IGF2BP2: variants seen among roughly 807,000 people sequenced by gnomAD.
The protein encoded by IGF2BP2 is insulin like growth factor 2 mRNA binding protein 2.
A neutral mutation model predicts 75.8 loss-of-function variants in IGF2BP2; 17 were observed. That is an observed-to-expected ratio of 0.22 (90% CI 0.15 to 0.34). The LOEUF (loss-of-function observed/expected upper bound fraction) is 0.34. Among genes scored for constraint, IGF2BP2 ranks in the 10% least tolerant of loss-of-function variants. IGF2BP2 has a pLI of 1.00. For missense variants in IGF2BP2, 516 were observed against 772.4 expected, an observed-to-expected ratio of 0.67 and a Z score of 3.93; for synonymous variants, 288 against 295.6, an observed-to-expected ratio of 0.97 and a Z score of 0.26.
rs762092863 is a variant in IGF2BP2 at position 185,716,828 on chromosome 3, T to C, written c.240-18481A>G. 5.8e-6 allele frequency: 3 copies of C among 515,544 alleles called. No homozygotes were observed. In the East Asian group the frequency reaches 1.6e-4, roughly 28 times the overall value. 31.9% of individuals were successfully genotyped at this position (515,544 alleles called of 1,614,324 possible). A position where few individuals can be genotyped will look rare whatever the true frequency, so the allele number is the denominator to read the frequency against. On this transcript the variant is annotated intron_variant, in intron 2 of 15. Coordinates refer to ENST00000382199, the MANE Select transcript of IGF2BP2 (RefSeq NM_006548.6). ...CTTAACTGAGGGGCCAAAGAGAGGC[T>C]ACGCAGCCTGGATCAGAGCTCCGAC... is the stretch of plus-strand genomic sequence containing the variant.
chr3:185,673,052 C>G (rs1718773572), intron 9 of IGF2BP2, among the ~76,000 whole-genome samples: 1 of 152,216 alleles, frequency 6.6e-6, no homozygotes, highest in South Asian at 2.1e-4. Context: ...CCCTTCTCAC[C>G]TGGCTAAGTC....
chr3:185,822,182 C>T (rs2150071359), intron 2 of IGF2BP2, among the ~76,000 whole-genome samples: 1 of 152,262 alleles, frequency 6.6e-6, no homozygotes, highest in South Asian at 2.1e-4. Context: ...GTTTTAAAAT[C>T]TACTCAATCC....
intron 10 of IGF2BP2, among the ~76,000 whole-genome samples, chr3:185,659,052 AAAAAAT>A (rs1381479510): frequency 6.6e-6 from 1 of 152,102 alleles, no homozygotes; most frequent in Admixed American, 6.6e-5. Flanking sequence ...CCATCTGTAT[AAAAAAT>A]AAAAATAAAA....
intron 2 of IGF2BP2, among the ~76,000 whole-genome samples, chr3:185,774,834 A>C (rs140783742): frequency 0.025 from 3,815 of 152,022 alleles, 172 homozygotes; most frequent in African/African-American, 0.087. Context: ...AGCCTGGCCA[A>C]TATGATGAAA....
At chr3:185,696,464 C>T (rs1722595332) in intron 4 of IGF2BP2, 148 bp downstream of exon 4, 14 of 656,094 alleles carry the variant, frequency 2.1e-5, no homozygotes, top group Middle Eastern at 3.6e-4. Context: ...ATGTAAGATA[C>T]ATCTTACATA....
chr3:185,722,419 C>T (rs1287432059), intron 2 of IGF2BP2: 1 of 339,734 alleles, frequency 2.9e-6, no homozygotes. Flanking sequence ...TTGCCTTCTA[C>T]TTCCTCCACC....
chr3:185,712,556 C>T (rs918968210), intron 2 of IGF2BP2: 24 of 152,084 alleles, frequency 1.6e-4, no homozygotes, highest in African/African-American at 5.6e-4. Flanking sequence ...GATGCTGAGT[C>T]AGTCATTCAA....
chr3:185,721,445 G>A (rs1483422533), intron 2 of IGF2BP2, among the ~76,000 whole-genome samples: 16 of 151,992 alleles, frequency 1.1e-4, no homozygotes, highest in African/African-American at 3.1e-4. Flanking sequence ...CAAGTGATCC[G>A]CCCGCCTCGG....
At chr3:185,797,032 G>C (rs536835748) in intron 2 of IGF2BP2, among the ~76,000 whole-genome samples, 41 of 152,060 alleles carry the variant, frequency 2.7e-4, no homozygotes, top group African/African-American at 9.9e-4. Context: ...AGTGAGAAAC[G>C]CACTGCCCCA....
In IGF2BP2 at chr3:185,686,916, A is replaced by C. The variant is rs186239170; in HGVS notation, c.812+141T>G. The stretch of plus-strand genomic sequence containing the variant: ...TTCCCACTGTATTCTACTTGGGAAC[A>C]AATTTCTTAAACACAATCCCTCCCT... On this transcript the variant is annotated intron_variant, in intron 7 of 15. Transcript: ENST00000382199. 3.3e-6 allele frequency: 3 copies of C among 908,704 alleles called. No homozygotes were observed. In the East Asian group the frequency reaches 7.6e-5, roughly 23 times the overall value. The allele number at this position is 908,704 out of a possible 1,614,324, so 56.3% of individuals were successfully genotyped here.
chr3:185,713,027 C>T (rs1455133088), intron 2 of IGF2BP2, among the ~76,000 whole-genome samples: 3 of 151,874 alleles, frequency 2.0e-5, no homozygotes, highest in Non-Finnish European at 4.4e-5. Flanking sequence ...ATGAAATTTA[C>T]TATGAACAGA....
intron 2 of IGF2BP2, among the ~76,000 whole-genome samples, chr3:185,816,222 A>G (rs910334714): frequency 6.6e-6 from 1 of 152,170 alleles, no homozygotes; most frequent in African/African-American, 2.4e-5. Flanking sequence ...GTTGAAAGAA[A>G]TGTTTGTCTT....
intron 2 of IGF2BP2, among the ~76,000 whole-genome samples, chr3:185,702,855 AAG>A (rs1723504841): frequency 6.6e-6 from 1 of 152,180 alleles, no homozygotes. Context: ...CAGAAGTAAA[AAG>A]AGCAGCAGGA....
rs114574925 is a variant in IGF2BP2 at position 185,739,184 on chromosome 3, A to T, written c.240-40837T>A. 1.4e-3 allele frequency among the ~76,000 whole-genome samples: 214 copies of T among 152,276 alleles called. 1 individual carries two copies. The highest frequency in any genetic ancestry group is 4.9e-3 in the African/African-American group (203 of 41,558). On this transcript the variant is annotated intron_variant, in intron 2 of 15. Transcript: ENST00000382199. ...TGTGGAATAGGGATTACAACGGTGG[A>T]CTTAAAACAAAACGAAACGGCCATT...
chr3:185,824,293 G>A (rs971214758), intron 1 of IGF2BP2, among the ~76,000 whole-genome samples: 82 of 151,316 alleles, frequency 5.4e-4, no homozygotes, highest in African/African-American at 1.9e-3. Flanking sequence ...CTCAGGAGAC[G>A]CCAGAGGGCG....
chr3:185,692,194 G>C (rs1045846169), intron 5 of IGF2BP2, among the ~76,000 whole-genome samples: 3 of 152,204 alleles, frequency 2.0e-5, no homozygotes, highest in Admixed American at 2.0e-4. Context: ...AATTCTCTCG[G>C]CTGCTGCTCT....
intron 2 of IGF2BP2, among the ~76,000 whole-genome samples, chr3:185,752,458 T>C (rs1228333539): frequency 6.6e-6 from 1 of 152,232 alleles, no homozygotes; most frequent in Non-Finnish European, 1.5e-5. Flanking sequence ...TTCTCTTTTA[T>C]ACTCCAATAC....
At chr3:185,781,315 G>A (rs1735173309) in intron 2 of IGF2BP2, among the ~76,000 whole-genome samples, 2 of 152,114 alleles carry the variant, frequency 1.3e-5, no homozygotes, top group South Asian at 4.2e-4. Flanking sequence ...CATTAGAAAT[G>A]TCATAGTGAG....
intron 2 of IGF2BP2, among the ~76,000 whole-genome samples, chr3:185,780,157 C>A (rs950633873): frequency 1.3e-5 from 2 of 152,016 alleles, no homozygotes; most frequent in East Asian, 3.9e-4. Flanking sequence ...AACACAAATG[C>A]CTCATTATAT....
Sources: gnomAD v4.1 joint callset for allele counts (sites outside exome capture counted in the v4.1 genomes callset) on GRCh38, gnomAD v4.1.1 for gene constraint, MANE v1.5 for transcripts, NCBI Gene and HGNC (gene_info 2026-07-23, HGNC 2026-07-21) for gene names.